The following MYO16 variants were observed in gnomAD, a reference collection of about 807,000 sequenced individuals.
The protein encoded by MYO16 is unconventional myosin-XVI.
In MYO16, 94 loss-of-function variants were observed where a neutral mutation model predicts 205.3. The observed-to-expected ratio is 0.46, with a 90% confidence interval of 0.39 to 0.54. The LOEUF is 0.54. Among genes scored for constraint, MYO16 ranks in the 20% least tolerant of loss-of-function variants. The probability of loss-of-function intolerance (pLI) is 0.00; values close to 1 mark genes in which losing one functional copy is unlikely to be tolerated. For synonymous variants in MYO16, 988 were observed against 954.0 expected, an observed-to-expected ratio of 1.04 and a Z score of -0.66; for missense variants, 2,315 against 2,387.5, an observed-to-expected ratio of 0.97 and a Z score of 0.63.
At chr13:108,584,557 A>G in the MYO16 span, among the ~76,000 whole-genome samples, 1 of 152,166 alleles carries the variant, frequency 6.6e-6, no homozygotes, top group African/African-American at 2.4e-5. Context: ...GCTATAGAAC[A>G]CCAGAACTCA....
intron 34 of MYO16, among the ~76,000 whole-genome samples, chr13:109,182,628 T>C (rs1879502855): frequency 6.6e-6 from 1 of 152,230 alleles, no homozygotes; most frequent in African/African-American, 2.4e-5. Context: ...CATTTAATTT[T>C]ATTGTTACTA....
chr13:109,127,173 G>A lies in MYO16; in HGVS notation c.3783-109G>A. On this transcript the variant is annotated intron_variant, in intron 30 of 34. Transcript: ENST00000457511. The surrounding 1 kb of genome is among the most constrained non-coding windows in gnomAD (Gnocchi z 4.2). The stretch of plus-strand genomic sequence containing the variant: ...TCCTCCAGCCACAGCAGGAAGGGCT[G>A]CTTGCCAAAAAGCCGTCATTATGTC... The A allele has an allele frequency of 7.3e-7, 1 of 1,376,002 alleles. No individual in the cohort carries two copies. Among genetic ancestry groups the A allele is most frequent in the East Asian group, 2.5e-5 (1 of 40,238 alleles). 85.2% of individuals were successfully genotyped at this position (1,376,002 alleles called of 1,614,324 possible).
chr13:109,198,612 C>T (rs1277692041), intron 34 of MYO16, among the ~76,000 whole-genome samples: 1 of 152,154 alleles, frequency 6.6e-6, no homozygotes, highest in East Asian at 1.9e-4. Context: ...TTTAGCATTA[C>T]TTAACTGAGT....
intron 11 of MYO16, among the ~76,000 whole-genome samples, chr13:108,863,265 A>G (rs1367837850): frequency 1.3e-5 from 2 of 152,096 alleles, no homozygotes; most frequent in Non-Finnish European, 2.9e-5. Context: ...TGCCCTATCC[A>G]TTGCCAATCC....
At chr13:108,810,156 G>A (rs1270902033) in intron 7 of MYO16, among the ~76,000 whole-genome samples, 1 of 152,196 alleles carries the variant, frequency 6.6e-6, no homozygotes, top group Non-Finnish European at 1.5e-5. Context: ...TGCTTCGCTA[G>A]ACTTGCCTTT....
At chr13:109,036,153 C>T (rs1269680300) in intron 23 of MYO16, among the ~76,000 whole-genome samples, 1 of 152,200 alleles carries the variant, frequency 6.6e-6, no homozygotes, top group Admixed American at 6.5e-5. Context: ...CCTGGACCTT[C>T]TTTAACAAGG....
intron 28 of MYO16, among the ~76,000 whole-genome samples, chr13:109,105,256 G>A (rs188695985): frequency 2.2e-3 from 329 of 152,278 alleles, no homozygotes; most frequent in African/African-American, 7.1e-3. Context: ...GTATCACCTG[G>A]GATCAGGAGT....
At position 108,988,309 on chromosome 13, in the gene MYO16, C is replaced by T. The variant is rs79176316; in HGVS notation, c.2370-4067C>T. ...CCAATGTTGCTATTGCAGTAACAGA[C>T]GCATATTTCAGTCATAAATGATGAA... On this transcript the variant is annotated intron_variant, in intron 20 of 34. Coordinates refer to ENST00000457511, the MANE Select transcript of MYO16 (RefSeq NM_001198950.3). 1.2e-3 allele frequency among the ~76,000 whole-genome samples: 188 copies of T among 152,176 alleles called. 2 individuals are homozygous for T. Among genetic ancestry groups the T allele is most frequent in the African/African-American group, 4.3e-3 (177 of 41,532 alleles).
chr13:108,925,463 A>G (rs1881955656), intron 16 of MYO16, among the ~76,000 whole-genome samples: 1 of 152,128 alleles, frequency 6.6e-6, no homozygotes, highest in Non-Finnish European at 1.5e-5. Context: ...GTATAATATG[A>G]TTTATAAGTG....
chr13:108,965,371 A>G (rs967600724), intron 20 of MYO16, among the ~76,000 whole-genome samples: 4 of 152,120 alleles, frequency 2.6e-5, no homozygotes, highest in Admixed American at 2.6e-4. Flanking sequence ...GAGGGTCTCT[A>G]TGGTAATCAT....
At chr13:108,553,097 C>T in the MYO16 span, among the ~76,000 whole-genome samples, 4 of 137,060 alleles carry the variant, frequency 2.9e-5, no homozygotes, top group Non-Finnish European at 4.5e-5. Context: ...CAACTCATTG[C>T]AACCTCTGCC....
At chr13:109,197,198 C>T (rs1012620917) in intron 34 of MYO16, among the ~76,000 whole-genome samples, 8 of 152,144 alleles carry the variant, frequency 5.3e-5, no homozygotes, top group Admixed American at 5.2e-4. Context: ...CCACCCACAC[C>T]CCATGTGATT....
intron 33 of MYO16, among the ~76,000 whole-genome samples, chr13:109,170,242 G>A (rs900668786): frequency 1.3e-5 from 2 of 152,026 alleles, no homozygotes; most frequent in African/African-American, 4.8e-5. Flanking sequence ...AAAGAAAATT[G>A]GACAGAATAT....
At chr13:108,804,073 C>T (rs940915159) in intron 6 of MYO16, among the ~76,000 whole-genome samples, 1 of 152,144 alleles carries the variant, frequency 6.6e-6, no homozygotes, top group East Asian at 1.9e-4. Flanking sequence ...GGCTGCAGAG[C>T]GTGGCTTCGG....
chr13:108,654,736 G>A (rs976249294), intron 1 of MYO16, among the ~76,000 whole-genome samples: 1 of 152,192 alleles, frequency 6.6e-6, no homozygotes, highest in Non-Finnish European at 1.5e-5. Context: ...ATAGTGATAT[G>A]AACAATAAGG....
At chr13:108,574,053 A>C in the MYO16 span, among the ~76,000 whole-genome samples, 1 of 152,026 alleles carries the variant, frequency 6.6e-6, no homozygotes, top group Non-Finnish European at 1.5e-5. Flanking sequence ...GGGTCTCCCT[A>C]TGTTACCCAG....
chr13:108,600,484 G>A (rs1878723746), intron 1 of MYO16, among the ~76,000 whole-genome samples: 1 of 152,130 alleles, frequency 6.6e-6, no homozygotes. Context: ...CGCTGCTACT[G>A]TTGACCGTTA....
At chr13:109,121,310 G>T (rs1875979394) in intron 29 of MYO16, among the ~76,000 whole-genome samples, 2 of 152,128 alleles carry the variant, frequency 1.3e-5, no homozygotes, top group African/African-American at 4.8e-5. Context: ...AGGTAAGGAG[G>T]TGTCTTCTGA....
chr13:109,081,104 A>G (rs368541372), intron 27 of MYO16, among the ~76,000 whole-genome samples: 6 of 152,314 alleles, frequency 3.9e-5, no homozygotes, highest in African/African-American at 1.2e-4. Flanking sequence ...AGACATATAT[A>G]TGTGAGTCTT....
Sources: allele counts gnomAD v4.1 joint callset (sites outside exome capture counted in the v4.1 genomes callset), GRCh38; gene constraint gnomAD v4.1.1; non-coding constraint Gnocchi (gnomAD v3.1); transcripts MANE v1.5; gene names NCBI Gene and HGNC (gene_info 2026-07-23, HGNC 2026-07-21).